The following TDRD1 variants were observed in gnomAD, a reference collection of about 807,000 sequenced individuals.
The protein encoded by TDRD1 is tudor domain containing 1, also known as tudor domain-containing protein 1.
Under a neutral mutation model 140.6 loss-of-function variants are expected in TDRD1, and 37 were observed. That is an observed-to-expected ratio of 0.26 (90% CI 0.20 to 0.35). TDRD1 has a LOEUF of 0.35. Ranked by LOEUF, TDRD1 falls within the 10% of genes least tolerant of loss-of-function variation. The pLI, the probability that TDRD1 is intolerant of heterozygous loss-of-function variation, is 1.00. For missense variants in TDRD1, 1,243 were observed against 1,393.0 expected (o/e 0.89, Z 1.71); for synonymous variants, 506 against 475.7 (o/e 1.06, Z -0.83).
chr10:114,181,765 A>G (rs2033086433), intron 1 of TDRD1, among the ~76,000 whole-genome samples: 1 of 151,818 alleles, frequency 6.6e-6, no homozygotes, highest in South Asian at 2.1e-4. Flanking sequence ...GAATTGTTTG[A>G]ACCCAGGATG....
At chr10:114,223,471 C>T (rs918294043) in intron 21 of TDRD1, among the ~76,000 whole-genome samples, 1 of 152,240 alleles carries the variant, frequency 6.6e-6, no homozygotes, top group Non-Finnish European at 1.5e-5. Flanking sequence ...GATCCCAAAC[C>T]TCTCACAAAG....
At chr10:114,211,050 G>A in intron 13 of TDRD1, 83 bp downstream of exon 13, 2 of 1,142,500 alleles carry the variant, frequency 1.8e-6, no homozygotes, top group Non-Finnish European at 2.5e-6. Flanking sequence ...TTGAAACAGA[G>A]TCTTTGGTTT....
intron 2 of TDRD1, among the ~76,000 whole-genome samples, chr10:114,190,620 T>A (rs1468737662): frequency 6.6e-6 from 1 of 152,192 alleles, no homozygotes; most frequent in Non-Finnish European, 1.5e-5. Flanking sequence ...CCTGAGTAAT[T>A]GGGATTACAA....
At chr10:114,227,991 C>A (rs767867227) in intron 24 of TDRD1, 35 bp downstream of exon 24, 6 of 1,611,688 alleles carry the variant, frequency 3.7e-6, no homozygotes, top group Admixed American at 1.7e-5. Context: ...AATTATACTC[C>A]TAACGTTTTT....
intron 1 of TDRD1, among the ~76,000 whole-genome samples, chr10:114,182,890 T>C (rs1004830200): frequency 6.6e-6 from 1 of 152,018 alleles, no homozygotes; most frequent in African/African-American, 2.4e-5. Flanking sequence ...TTCACTGTGT[T>C]AGCCAGGATG....
exon 17 of TDRD1, chr10:114,217,561 T>G (rs1476025727): frequency 1.3e-6 from 2 of 1,580,076 alleles, no homozygotes; most frequent in Non-Finnish European, 1.7e-6. Flanking sequence ...AGAAACTCAA[T>G]GATTTGAACA....
At chr10:114,209,741 A>T (rs746043368) in intron 11 of TDRD1, among the ~76,000 whole-genome samples, 1 of 152,192 alleles carries the variant, frequency 6.6e-6, no homozygotes, top group Non-Finnish European at 1.5e-5. Flanking sequence ...TTCAGAGTCA[A>T]CCTATAGGTT....
At chr10:114,183,197 C>G (rs2033233685) in intron 1 of TDRD1, among the ~76,000 whole-genome samples, 1 of 152,102 alleles carries the variant, frequency 6.6e-6, no homozygotes, top group Admixed American at 6.6e-5. Context: ...GCATGAGTTA[C>G]TAAGTAAGGA....
intron 3 of TDRD1, among the ~76,000 whole-genome samples, chr10:114,197,464 C>G (rs1483660543): frequency 6.6e-6 from 1 of 151,936 alleles, no homozygotes; most frequent in African/African-American, 2.4e-5. Flanking sequence ...TTGTTTCAAG[C>G]CTATTCATAA....
intron 17 of TDRD1, 77 bp downstream of exon 17, chr10:114,217,732 TCTTAATG>T (rs1255923450): frequency 4.1e-6 from 3 of 727,376 alleles, no homozygotes; most frequent in Non-Finnish European, 7.0e-6. Flanking sequence ...GTGCACATTT[TCTTAATG>T]CTTAAGCAAA....
intron 3 of TDRD1, 122 bp downstream of exon 3, chr10:114,191,141 G>A: frequency 1.2e-5 from 13 of 1,119,300 alleles, no homozygotes; most frequent in Non-Finnish European, 3.8e-6. Context: ...TTTCTTTTAT[G>A]TACATTTTTA....
intron 25 of TDRD1, among the ~76,000 whole-genome samples, chr10:114,229,841 A>AT (rs974199810): frequency 1.8e-4 from 23 of 128,670 alleles, no homozygotes; most frequent in African/African-American, 3.0e-4. Context: ...TTTTATTTTT[A>AT]TTTTTTTTTG....
chr10:114,209,152 T>C (rs920967328), intron 11 of TDRD1, among the ~76,000 whole-genome samples: 1 of 152,072 alleles, frequency 6.6e-6, no homozygotes, highest in African/African-American at 2.4e-5. Context: ...ACCAGGAGTT[T>C]GAGGCCCCAG....
chr10:114,221,323 T>C (rs1200046374), intron 19 of TDRD1, 34 bp from the exon 20 acceptor site: 1 of 1,601,086 alleles, frequency 6.2e-7, no homozygotes, highest in Non-Finnish European at 8.5e-7. Flanking sequence ...ATTTTTTTTA[T>C]TCCGTGTGAG....
intron 16 of TDRD1, among the ~76,000 whole-genome samples, 196 bp from the exon 17 acceptor site, chr10:114,217,349 A>C (rs79057603): frequency 0.011 from 1,681 of 152,278 alleles, 20 homozygotes; most frequent in African/African-American, 0.039. Context: ...TGTTGGGTTT[A>C]TTGAAAGTAT....
At chr10:114,188,274 C>G in intron 2 of TDRD1, 118 bp downstream of exon 2, 7 of 830,258 alleles carry the variant, frequency 8.4e-6, no homozygotes, top group Non-Finnish European at 1.1e-5. Flanking sequence ...GACTACCTTA[C>G]CGTATTTGCA....
At chr10:114,226,270 CTT>C in intron 22 of TDRD1, 54 bp downstream of exon 22, 1 of 1,305,008 alleles carries the variant, frequency 7.7e-7, no homozygotes. Context: ...TTTTTTTCCT[CTT>C]TATGTTTCAT....
At chr10:114,227,270 C>T (rs2036490678) in exon 23 of TDRD1, 1 of 1,613,622 alleles carries the variant, frequency 6.2e-7, no homozygotes, top group Non-Finnish European at 8.5e-7. Flanking sequence ...AAAAACATCA[C>T]ACCTCAAAGG....
chr10:114,195,660 C>T (rs995746132), intron 3 of TDRD1, among the ~76,000 whole-genome samples: 3 of 152,218 alleles, frequency 2.0e-5, no homozygotes, highest in South Asian at 4.1e-4. Context: ...TTTTTACTTT[C>T]GGTCTCTCTA....
Sources: gnomAD v4.1 joint callset for allele counts (sites outside exome capture counted in the v4.1 genomes callset) on GRCh38, gnomAD v4.1.1 for gene constraint, MANE v1.5 for transcripts, NCBI Gene and HGNC (gene_info 2026-07-23, HGNC 2026-07-21) for gene names.